Variants in MIB1 observed in about 807,000 individuals in gnomAD.
MIB1 encodes E3 ubiquitin-protein ligase MIB1.
MIB1 carries 278 observed loss-of-function variants against 124.5 expected under a neutral mutation model. The ratio of observed to expected loss-of-function variants is 2.23; its 90% CI spans 2.02 to 2.47. The LOEUF (loss-of-function observed/expected upper bound fraction) is 2.47, where lower values mean the gene tolerates loss of function less well. Among genes scored for constraint, MIB1 ranks in the 30% most tolerant of loss-of-function variants. The pLI is 0.00. For missense variants in MIB1, 957 were observed against 1,254.4 expected, an observed-to-expected ratio of 0.76 and a Z score of 3.58; for synonymous variants, 446 against 429.4, an observed-to-expected ratio of 1.04 and a Z score of -0.48.
At chr18:21,844,542 G>A (rs1741277989) in intron 15 of MIB1, among the ~76,000 whole-genome samples, 1 of 151,994 alleles carries the variant, frequency 6.6e-6, no homozygotes, top group Non-Finnish European at 1.5e-5. Context: ...CCATTCTCTT[G>A]CCTCAACCTC....
chr18:21,849,059 A>C, intron 16 of MIB1, 137 bp from the exon 17 acceptor site: 3 of 549,942 alleles, frequency 5.5e-6, no homozygotes, highest in Admixed American at 6.2e-5. Flanking sequence ...AATGTTTCAC[A>C]TACAGATGTT....
intron 7 of MIB1, among the ~76,000 whole-genome samples, chr18:21,792,440 T>G (rs1256527677): frequency 6.6e-6 from 1 of 152,004 alleles, no homozygotes; most frequent in African/African-American, 2.4e-5. Context: ...CTGCCCCATC[T>G]CATCCCCTCC....
intron 1 of MIB1, among the ~76,000 whole-genome samples, chr18:21,755,488 C>A (rs570022936): frequency 2.0e-5 from 3 of 152,208 alleles, no homozygotes; most frequent in African/African-American, 7.2e-5. Context: ...CGTACCACCA[C>A]GCCCAGCTAA....
intron 15 of MIB1, among the ~76,000 whole-genome samples, chr18:21,844,480 C>T (rs1380527874): frequency 6.6e-6 from 1 of 152,154 alleles, no homozygotes; most frequent in East Asian, 1.9e-4. Context: ...TGGAGTCCCA[C>T]TCTGTCACCC....
intron 9 of MIB1, among the ~76,000 whole-genome samples, chr18:21,803,428 C>A (rs1486547595): frequency 6.6e-6 from 1 of 152,180 alleles, no homozygotes; most frequent in African/African-American, 2.4e-5. Context: ...ACCTTGCTAA[C>A]TTATTTATAT....
intron 13 of MIB1, among the ~76,000 whole-genome samples, chr18:21,840,646 TATATATATATATATATATA>T (rs1195876915): frequency 0.26 from 1,130 of 4,374 alleles, 16 homozygotes; most frequent in South Asian, 0.33. Flanking sequence ...TATATATATA[TATATATATATATATATATA>T]TTTTTTTTTT....
At chr18:21,817,216 C>A (rs1287545447) in intron 11 of MIB1, among the ~76,000 whole-genome samples, 1 of 116,730 alleles carries the variant, frequency 8.6e-6, no homozygotes, top group African/African-American at 3.4e-5. Flanking sequence ...GGCTGGAATT[C>A]AGTGGCGTGA....
intron 1 of MIB1, among the ~76,000 whole-genome samples, chr18:21,760,867 T>G (rs1029620895): frequency 1.2e-4 from 19 of 152,238 alleles, no homozygotes; most frequent in Non-Finnish European, 1.6e-4. Context: ...AACTTCTAAG[T>G]GTGCAGTGAA....
chr18:21,847,557 T>C (rs187506631), intron 16 of MIB1, among the ~76,000 whole-genome samples: 177 of 152,362 alleles, frequency 1.2e-3, no homozygotes, highest in African/African-American at 4.2e-3. Context: ...CTTAAACTCC[T>C]GGGCTCAAGC....
intron 1 of MIB1, among the ~76,000 whole-genome samples, chr18:21,706,850 C>T (rs1037278875): frequency 2.6e-5 from 4 of 152,226 alleles, no homozygotes; most frequent in Admixed American, 1.3e-4. Flanking sequence ...ACGAGCGCTG[C>T]CCCCTGCTCT....
chr18:21,798,101 C>T lies in MIB1; in HGVS notation c.1110C>T (p.Gly370=), dbSNP rs1428601695. The change falls in exon 8 of 21, where the codon GGC becomes GGT. Residue 370 remains glycine (G), a synonymous_variant. Coordinates refer to ENST00000261537, the MANE Select transcript of MIB1 (RefSeq NM_020774.4). ...TCCCCAAGACTTTAGGTAAAGTTGG[C>T]CGAGTACAACAGATTTATTCAGACA... ...EAMLPTLGKV[G]RVQQIYSDSD... 1.9e-6 allele frequency: 3 copies of T among 1,612,388 alleles called. No individual in the cohort carries two copies. The highest frequency in any genetic ancestry group is 1.6e-4 in the Middle Eastern group (1 of 6,080).
intron 1 of MIB1, among the ~76,000 whole-genome samples, chr18:21,724,651 G>A (rs558685200): frequency 2.9e-5 from 4 of 140,112 alleles, no homozygotes; most frequent in Non-Finnish European, 6.0e-5. Flanking sequence ...GTTGCAGTGA[G>A]CTGAGATTAT....
At chr18:21,834,722 A>G (rs1228958008) in intron 12 of MIB1, among the ~76,000 whole-genome samples, 1 of 152,252 alleles carries the variant, frequency 6.6e-6, no homozygotes, top group Non-Finnish European at 1.5e-5. Context: ...TGTCAGACTC[A>G]TCAAAAACAA....
intron 1 of MIB1, among the ~76,000 whole-genome samples, chr18:21,727,119 A>AT (rs996140712): frequency 5.9e-4 from 90 of 152,048 alleles, no homozygotes; most frequent in Non-Finnish European, 1.0e-3. Flanking sequence ...AGTTCAATTT[A>AT]TTTTTTTTGA....
At chr18:21,760,374 GTT>G (rs2041084437) in intron 1 of MIB1, among the ~76,000 whole-genome samples, 1 of 152,120 alleles carries the variant, frequency 6.6e-6, no homozygotes, top group Non-Finnish European at 1.5e-5. Flanking sequence ...ACCAACTTTT[GTT>G]TTGAAGTCAA....
chr18:21,838,507 G>T lies in MIB1; in HGVS notation c.1962+10G>T. The T allele has an allele frequency of 1.3e-6, 2 of 1,567,580 alleles. No homozygotes were observed. Among genetic ancestry groups the T allele is most frequent in the Non-Finnish European group, 1.7e-6 (2 of 1,162,066 alleles). On this transcript the variant is annotated intron_variant, in intron 13 of 20. Coordinates refer to ENST00000261537, the MANE Select transcript of MIB1 (RefSeq NM_020774.4). Reference sequence around the variant, plus strand: ...ACTGTTGGTACATCAGGTAAGAAAAGAGTTAAATAATTCCCTCTTTTTTAT... The same window carrying T: ...ACTGTTGGTACATCAGGTAAGAAAATAGTTAAATAATTCCCTCTTTTTTAT...
At chr18:21,822,171 C>T (rs915046984) in intron 12 of MIB1, among the ~76,000 whole-genome samples, 2 of 152,080 alleles carry the variant, frequency 1.3e-5, no homozygotes, top group African/African-American at 2.4e-5. Flanking sequence ...CTTCAGATTA[C>T]AATGGTCAAA....
Position 21,741,825 on chromosome 18 carries a change from C to A in MIB1, c.229+13C>A. 1 of 1,579,820 alleles carries A rather than the reference C, an allele frequency of 6.3e-7. No individual in the cohort carries two copies. The highest frequency in any genetic ancestry group is 1.1e-5 in the South Asian group (1 of 87,048). ...AGCGCGCCCACCGGTAAGCCGCGGC[C>A]ACCTGGCCAGGGCTTGCGCGCGCGG... On this transcript the variant is annotated intron_variant, in intron 1 of 20. Coordinates refer to ENST00000261537, the MANE Select transcript of MIB1 (RefSeq NM_020774.4). This position sits in a 1 kb window ranked among gnomAD's most constrained non-coding sequence, Gnocchi z 5.4.
At chr18:21,789,198 T>C (rs1393573543) in intron 6 of MIB1, among the ~76,000 whole-genome samples, 1 of 152,154 alleles carries the variant, frequency 6.6e-6, no homozygotes, top group East Asian at 1.9e-4. Flanking sequence ...TCCCAGCTTC[T>C]GGTGGTTCCC....
Sources: gnomAD v4.1 joint callset for allele counts (sites outside exome capture counted in the v4.1 genomes callset) on GRCh38, gnomAD v4.1.1 for gene constraint, Gnocchi (gnomAD v3.1) non-coding constraint, MANE v1.5 for transcripts, NCBI Gene and HGNC (gene_info 2026-07-23, HGNC 2026-07-21) for gene names.